IFT80: variants seen among roughly 807,000 people sequenced by gnomAD.
IFT80 encodes intraflagellar transport protein 80 homolog.
IFT80 carries 79 observed loss-of-function variants against 107.9 expected under a neutral mutation model. The ratio of observed to expected loss-of-function variants is 0.73; its 90% confidence interval spans 0.61 to 0.88. IFT80 has a LOEUF of 0.88. Ranked by LOEUF, IFT80 falls within the 40% of genes least tolerant of loss-of-function variation. IFT80 has a pLI of 0.00. For missense variants in IFT80, 797 were observed against 914.2 expected, an observed-to-expected ratio of 0.87 and a Z score of 1.65; for synonymous variants, 299 against 300.9, an observed-to-expected ratio of 0.99 and a Z score of 0.07.
intron 6 of IFT80, among the ~76,000 whole-genome samples, chr3:160,362,646 G>A (rs1237906156): frequency 1.3e-5 from 2 of 152,154 alleles, no homozygotes; most frequent in Non-Finnish European, 2.9e-5. Context: ...ACTGAATCCA[G>A]CAGCACATCA....
chr3:160,258,651 A>C lies in IFT80; in HGVS notation c.2224-16T>G, dbSNP rs760663119. On this transcript the variant is annotated splice_polypyrimidine_tract_variant and intron_variant, in intron 19 of 19. Transcript: ENST00000326448. ...CTATTTGGAGCTGCAATAGAAAAAAAAAAGAAGAAATATGCTTAGATAGTG... is the reference window on the plus strand; with the variant it reads ...CTATTTGGAGCTGCAATAGAAAAAACAAAGAAGAAATATGCTTAGATAGTG... 2.5e-6 allele frequency: 4 copies of C among 1,609,416 alleles called. No homozygotes were observed. The highest frequency in any genetic ancestry group is 2.5e-6 in the Non-Finnish European group (3 of 1,179,758).
intron 6 of IFT80, among the ~76,000 whole-genome samples, chr3:160,359,374 C>T (rs957553393): frequency 2.6e-5 from 4 of 152,132 alleles, no homozygotes; most frequent in South Asian, 4.1e-4. Flanking sequence ...ACAGGGACAC[C>T]ATTCCAAGAT....
intron 8 of IFT80, among the ~76,000 whole-genome samples, chr3:160,332,745 C>G (rs574157476): frequency 9.4e-4 from 143 of 152,326 alleles, no homozygotes; most frequent in African/African-American, 3.3e-3. Flanking sequence ...TTGCCTACAT[C>G]TACTAATTCA....
At chr3:160,335,853 T>C (rs1719428112) in intron 8 of IFT80, among the ~76,000 whole-genome samples, 1 of 152,184 alleles carries the variant, frequency 6.6e-6, no homozygotes, top group African/African-American at 2.4e-5. Context: ...CTAGCAGCCA[T>C]TAATCTACCT....
intron 3 of IFT80, among the ~76,000 whole-genome samples, chr3:160,380,180 G>A (rs1291376797): frequency 6.6e-6 from 1 of 151,776 alleles, no homozygotes; most frequent in Non-Finnish European, 1.5e-5. Flanking sequence ...CTATAGGCAT[G>A]TGCCACCATG....
At chr3:160,343,818 G>A (rs1234785650) in intron 8 of IFT80, 1 of 308,296 alleles carries the variant, frequency 3.2e-6, no homozygotes, top group Non-Finnish European at 6.5e-6. Flanking sequence ...AATAAAAACT[G>A]TCAACAAAAC....
At position 160,358,499 on chromosome 3, in the gene IFT80, G is replaced by T. The variant is rs965274370; in HGVS notation, c.550-921C>A. ...ACAAAAAGATGTTTTCCATAGATAA[G>T]TATATATTCTATACATTCATTCTTT... On this transcript the variant is annotated intron_variant, in intron 6 of 19. Coordinates refer to ENST00000326448, the MANE Select transcript of IFT80 (RefSeq NM_020800.3). 3.3e-5 allele frequency among the ~76,000 whole-genome samples: 5 copies of T among 152,076 alleles called. No homozygotes were observed. In the South Asian group the frequency reaches 8.3e-4, roughly 25 times the overall value.
At chr3:160,368,861 G>A (rs552427475) in intron 5 of IFT80, among the ~76,000 whole-genome samples, 12 of 151,922 alleles carry the variant, frequency 7.9e-5, no homozygotes, top group Non-Finnish European at 1.0e-4. Context: ...CTTTCCTGGC[G>A]TGTATACCAA....
chr3:160,304,156 G>C (rs1010080983), intron 10 of IFT80, among the ~76,000 whole-genome samples, 167 bp from the exon 11 acceptor site: 4 of 152,052 alleles, frequency 2.6e-5, no homozygotes, highest in African/African-American at 4.8e-5. Context: ...TCACTTATAT[G>C]TCTGTATCCC....
intron 8 of IFT80, among the ~76,000 whole-genome samples, chr3:160,333,608 T>A (rs543060427): frequency 6.6e-6 from 1 of 152,182 alleles, no homozygotes; most frequent in Non-Finnish European, 1.5e-5. Flanking sequence ...CCTAGGCCTA[T>A]GCAGGGTCAG....
intron 10 of IFT80, among the ~76,000 whole-genome samples, chr3:160,304,986 C>T (rs992460405): frequency 2.0e-5 from 3 of 152,000 alleles, no homozygotes; most frequent in African/African-American, 7.3e-5. Context: ...TAAATGTAAG[C>T]CATGAACATG....
At chr3:160,298,296 T>C (rs1716145462) in intron 12 of IFT80, among the ~76,000 whole-genome samples, 1 of 152,162 alleles carries the variant, frequency 6.6e-6, no homozygotes, top group Non-Finnish European at 1.5e-5. Flanking sequence ...TTACCTCTAT[T>C]TAGCCATCAA....
intron 4 of IFT80, among the ~76,000 whole-genome samples, chr3:160,376,778 AT>A (rs1334936739): frequency 4.6e-5 from 7 of 152,234 alleles, no homozygotes; most frequent in Non-Finnish European, 1.0e-4. Context: ...GGAGATGCCC[AT>A]GTGGCAAGGA....
chr3:160,373,134 C>A (rs1039817088), intron 5 of IFT80, among the ~76,000 whole-genome samples: 9 of 152,098 alleles, frequency 5.9e-5, no homozygotes, highest in African/African-American at 1.7e-4. Context: ...TCTCAAATTC[C>A]TGAGCTCAAG....
chr3:160,292,172 G>T (rs971935847), intron 12 of IFT80, among the ~76,000 whole-genome samples: 2 of 152,154 alleles, frequency 1.3e-5, no homozygotes, highest in South Asian at 4.1e-4. Context: ...CTTAACCAGT[G>T]GTAGCCTGGC....
Position 160,357,515 on chromosome 3 carries a change from AT to A in IFT80, c.612del (p.Leu204PhefsTer61). On this transcript the variant is annotated frameshift_variant, in exon 7 of 20. Coordinates refer to ENST00000326448, the MANE Select transcript of IFT80 (RefSeq NM_020800.3). LOFTEE classifies it high-confidence loss of function. The stretch of plus-strand genomic sequence containing the variant: ...TTATATTTACAGTCTTCACCAGCAG[AT>A]AAAATAAGATCATTGACCGAGTTCC... Reference protein sequence around the residue: ...VDWNSVNDLILSAGEDCKYKV... With the variant: ...VDWNSVNDLIXSAGEDCKYKV... 6.3e-7 allele frequency: 1 copy of A among 1,582,902 alleles called. No individual in the cohort carries two copies. The highest frequency in any genetic ancestry group is 8.7e-7 in the Non-Finnish European group (1 of 1,152,090).
At chr3:160,284,723 T>G (rs1162705240) in intron 13 of IFT80, among the ~76,000 whole-genome samples, 1 of 152,100 alleles carries the variant, frequency 6.6e-6, no homozygotes, top group African/African-American at 2.4e-5. Context: ...TGTTATACCA[T>G]ACAGTGGGAG....
chr3:160,319,941 T>TG lies in IFT80; in HGVS notation c.778-3dup. ...GGGTTTTTCTAATGCATATGACCAC[T>TG]GGGGGAGAAAAAACAAGAAAAAGAT... On this transcript the variant is annotated splice_region_variant and splice_polypyrimidine_tract_variant and intron_variant, in intron 8 of 19. Coordinates refer to ENST00000326448, the MANE Select transcript of IFT80 (RefSeq NM_020800.3). The TG allele has an allele frequency of 4.4e-6, 7 of 1,608,432 alleles. No individual in the cohort carries two copies. Among genetic ancestry groups the TG allele is most frequent in the Non-Finnish European group, 5.1e-6 (6 of 1,178,336 alleles).
At chr3:160,334,349 G>C (rs1342556401) in intron 8 of IFT80, among the ~76,000 whole-genome samples, 1 of 152,018 alleles carries the variant, frequency 6.6e-6, no homozygotes, top group African/African-American at 2.4e-5. Flanking sequence ...TTGAGTAATG[G>C]GTAAATAGGG....
Sources: gnomAD v4.1 joint callset for allele counts (sites outside exome capture counted in the v4.1 genomes callset) on GRCh38, gnomAD v4.1.1 for gene constraint, MANE v1.5 for transcripts, NCBI Gene and HGNC (gene_info 2026-07-23, HGNC 2026-07-21) for gene names.